Variants in ZNF787 observed in about 807,000 individuals in gnomAD.
ZNF787 encodes zinc finger protein 787.
In ZNF787, 7 loss-of-function variants were observed where a neutral mutation model predicts 16.9. That is an observed-to-expected ratio of 0.42 (90% CI 0.24 to 0.78). ZNF787 has a LOEUF of 0.78. Ranked by LOEUF, ZNF787 falls within the 30% of genes least tolerant of loss-of-function variation. The pLI, the probability that ZNF787 is intolerant of heterozygous loss-of-function variation, is 0.30. For synonymous variants in ZNF787, 345 were observed against 270.9 expected (o/e 1.27, Z -2.69); for missense variants, 551 against 589.3 (o/e 0.94, Z 0.67).
At chr19:56,113,463 C>A (rs1344938465) in intron 1 of ZNF787, among the ~76,000 whole-genome samples, 1 of 152,222 alleles carries the variant, frequency 6.6e-6, no homozygotes, top group African/African-American at 2.4e-5. Context: ...AATGTAGAGA[C>A]AACCCAAATG....
At position 56,088,256 on chromosome 19, in the gene ZNF787, C is replaced by G. The variant is rs1985413784; in HGVS notation, c.916G>C (p.Gly306Arg). Residue 306 changes from glycine to arginine, a missense_variant, in exon 3 of 3, where the codon GGG becomes CGG. Gly to Arg is a moderately radical substitution (Grantham distance 125). Coordinates refer to ENST00000610935, the MANE Select transcript of ZNF787 (RefSeq NM_001002836.4). The surrounding 1 kb of genome is among the most constrained non-coding windows in gnomAD (Gnocchi z 8.6). ...LAHQRAQHGDGLGAAGGEEPA... is the reference protein window; with the variant it reads ...LAHQRAQHGDRLGAAGGEEPA... ...TCCTCGCCCCCCGCCGCCCCGAGCC[C>G]GTCCCCGTGCTGGGCCCGCTGGTGC... 4 of 1,453,424 alleles carry G rather than the reference C, an allele frequency of 2.8e-6. No individual in the cohort carries two copies. Among genetic ancestry groups the G allele is most frequent in the Admixed American group, 2.4e-5 (1 of 40,880 alleles). The allele number at this position is 1,453,424 out of a possible 1,614,324, so 90.0% of individuals were successfully genotyped here.
chr19:56,103,818 G>A (rs1216077550), intron 1 of ZNF787, among the ~76,000 whole-genome samples: 4 of 127,410 alleles, frequency 3.1e-5, no homozygotes, highest in African/African-American at 9.0e-5. Context: ...CGACACCACC[G>A]ACCCGTGCCA....
At chr19:56,109,400 C>T (rs1432647945) in intron 1 of ZNF787, among the ~76,000 whole-genome samples, 1 of 152,120 alleles carries the variant, frequency 6.6e-6, no homozygotes, top group Non-Finnish European at 1.5e-5. Context: ...ACGCCCTCCT[C>T]GTAGAGGAAG....
At chr19:56,093,237 CAG>C (rs769717893) in intron 2 of ZNF787, among the ~76,000 whole-genome samples, 1 of 150,268 alleles carries the variant, frequency 6.7e-6, no homozygotes, top group African/African-American at 2.5e-5. Context: ...TCCATAGACA[CAG>C]GGGATGACAG....
At position 56,099,721 on chromosome 19, in the gene ZNF787, A is replaced by AAAAAG. The variant is rs1555776407; in HGVS notation, c.79+3413_79+3417dup. On this transcript the variant is annotated intron_variant, in intron 2 of 2. Coordinates refer to ENST00000610935, the MANE Select transcript of ZNF787 (RefSeq NM_001002836.4). The stretch of plus-strand genomic sequence containing the variant: ...GTGAGGCTCCGTCTCAAAAAAAAAA[A>AAAAAG]AAAAGAAAAGAGAGAGAGAGAAAGG... Among the ~76,000 whole-genome samples, 783 of 151,002 alleles carry AAAAAG rather than the reference A, an allele frequency of 5.2e-3. 11 individuals are homozygous for AAAAAG. The highest frequency in any genetic ancestry group is 0.017 in the African/African-American group (698 of 41,098).
chr19:56,098,842 G>A (rs1985980876), intron 2 of ZNF787, among the ~76,000 whole-genome samples: 2 of 150,670 alleles, frequency 1.3e-5, no homozygotes, highest in Admixed American at 6.6e-5. Flanking sequence ...GGGTGATACG[G>A]CCGCAGGGTG....
Position 56,108,711 on chromosome 19 carries a change from GAC to G in ZNF787, c.-10-5486_-10-5485del, listed in dbSNP as rs554643909. Reference sequence around the variant, plus strand: ...TGGACAAAGCACAGGCTTAAGACCAGACACAGCAAATCCCAACACTCAGCCCC... The same window carrying G: ...TGGACAAAGCACAGGCTTAAGACCAGACAGCAAATCCCAACACTCAGCCCC... On this transcript the variant is annotated intron_variant, in intron 1 of 2. Coordinates refer to ENST00000610935, the MANE Select transcript of ZNF787 (RefSeq NM_001002836.4). Among the ~76,000 whole-genome samples the G allele has an allele frequency of 3.3e-5, 5 of 152,104 alleles. No homozygotes were observed. The East Asian group carries it at 5.8e-4, about 18-fold the overall frequency.
At chr19:56,118,608 T>C (rs1054950184) in intron 1 of ZNF787, among the ~76,000 whole-genome samples, 6 of 152,254 alleles carry the variant, frequency 3.9e-5, no homozygotes, top group Non-Finnish European at 7.4e-5. Context: ...CTTGAGAATT[T>C]AGGACAGTGA....
At chr19:56,110,361 CA>C (rs761035056) in intron 1 of ZNF787, among the ~76,000 whole-genome samples, 470 of 112,728 alleles carry the variant, frequency 4.2e-3, no homozygotes, top group Middle Eastern at 5.9e-3. Flanking sequence ...GACTCCGTCT[CA>C]AAAAAAAAAA....
At chr19:56,092,285 CTAAA>C (rs564296904) in intron 2 of ZNF787, among the ~76,000 whole-genome samples, 182 of 152,358 alleles carry the variant, frequency 1.2e-3, no homozygotes, top group African/African-American at 4.2e-3. Flanking sequence ...TGGCCCTGGG[CTAAA>C]TGTGTTCCGT....
intron 2 of ZNF787, among the ~76,000 whole-genome samples, chr19:56,100,501 T>C (rs1409066061): frequency 1.3e-5 from 2 of 152,052 alleles, no homozygotes; most frequent in Non-Finnish European, 2.9e-5. Context: ...GCTGGTTCCC[T>C]TTTCTCTGCC....
intron 1 of ZNF787, among the ~76,000 whole-genome samples, chr19:56,109,011 C>A (rs888301620): frequency 6.6e-6 from 1 of 151,690 alleles, no homozygotes; most frequent in South Asian, 2.1e-4. Flanking sequence ...AGACCCACGC[C>A]GGGGAGGTGG....
rs376439134 is a variant in ZNF787, at chr19:56,099,890, G to T, written c.79+3249C>A. Among the ~76,000 whole-genome samples the T allele has an allele frequency of 8.5e-5, 13 of 152,078 alleles. No individual in the cohort carries two copies. The South Asian group carries it at 2.5e-3, about 29-fold the overall frequency. On this transcript the variant is annotated intron_variant, in intron 2 of 2. Transcript: ENST00000610935. ...GAGGCTGGACAGGCGGCGGATTCTC[G>T]CTCCCGTCAAGCCAGGACACCTTCA...
intron 2 of ZNF787, chr19:56,102,814 G>A (rs912814322): frequency 5.9e-6 from 4 of 681,878 alleles, no homozygotes; most frequent in African/African-American, 1.8e-5. Flanking sequence ...AGGCGGGGCT[G>A]TGGGGAGAGG....
intron 1 of ZNF787, among the ~76,000 whole-genome samples, chr19:56,107,252 TGGA>T (rs1986359192): frequency 1.3e-5 from 2 of 152,100 alleles, no homozygotes; most frequent in African/African-American, 4.8e-5. Context: ...AGGGAAAGGC[TGGA>T]GGAGTACAGA....
chr19:56,097,689 G>A (rs1985922631), intron 2 of ZNF787, among the ~76,000 whole-genome samples: 2 of 152,238 alleles, frequency 1.3e-5, no homozygotes, highest in African/African-American at 2.4e-5. Flanking sequence ...CTGCGTGCAG[G>A]CACGGCGCGA....
intron 2 of ZNF787, among the ~76,000 whole-genome samples, chr19:56,098,597 G>A (rs1020266994): frequency 5.5e-5 from 8 of 144,250 alleles, no homozygotes; most frequent in Non-Finnish European, 1.2e-4. Flanking sequence ...GATTACGGCC[G>A]CAGGGTGATG....
At chr19:56,089,516 T>G (rs1202663422) in intron 2 of ZNF787, among the ~76,000 whole-genome samples, 1 of 152,130 alleles carries the variant, frequency 6.6e-6, no homozygotes, top group East Asian at 1.9e-4. Flanking sequence ...GCCGCAGGGC[T>G]TGAATGCAGC....
intron 2 of ZNF787, among the ~76,000 whole-genome samples, chr19:56,093,798 C>T (rs896847137): frequency 6.6e-5 from 10 of 152,222 alleles, no homozygotes; most frequent in South Asian, 2.1e-4. Flanking sequence ...CTTTCTGCCA[C>T]GAAGGATCGG....
Sources: allele counts gnomAD v4.1 joint callset (sites outside exome capture counted in the v4.1 genomes callset), GRCh38; gene constraint gnomAD v4.1.1; non-coding constraint Gnocchi (gnomAD v3.1); transcripts MANE v1.5; gene names NCBI Gene and HGNC (gene_info 2026-07-23, HGNC 2026-07-21).